FREM1: variants seen among roughly 807,000 people sequenced by gnomAD.
FREM1 encodes the protein FRAS1-related extracellular matrix protein 1.
A neutral mutation model predicts 210.1 loss-of-function variants in FREM1; 220 were observed. That is an observed-to-expected ratio of 1.05 (90% CI 0.94 to 1.17). The LOEUF is 1.17. Ranked by LOEUF, FREM1 falls within the 50% of genes most tolerant of loss-of-function variation. The pLI, the probability that FREM1 is intolerant of heterozygous loss-of-function variation, is 0.00. For synonymous variants in FREM1, 1,189 were observed against 980.2 expected (o/e 1.21, Z -3.98); for missense variants, 3,454 against 2,675.5 (o/e 1.29, Z -6.42).
At chr9:14,804,723 A>AT (rs1039287485) in intron 19 of FREM1, among the ~76,000 whole-genome samples, 42 of 152,174 alleles carry the variant, frequency 2.8e-4, no homozygotes, top group African/African-American at 9.6e-4. Flanking sequence ...TCATCTGTAG[A>AT]TTTTTTTTCT....
At position 14,788,909 on chromosome 9, in the gene FREM1, G is replaced by T. The variant is rs762295578; in HGVS notation, c.4177+10C>A. The T allele has an allele frequency of 1.1e-5, 17 of 1,606,006 alleles. No individual in the cohort carries two copies. Among genetic ancestry groups the T allele is most frequent in the African/African-American group, 2.7e-5 (2 of 74,790 alleles). On this transcript the variant is annotated intron_variant, in intron 23 of 36. Coordinates refer to ENST00000380880, the MANE Select transcript of FREM1 (RefSeq NM_001379081.2). ...TTGATCCCAGTAAACCTTGGTAGACGTGCTTTTACCTTTTTCCATGTCCTT... is the reference window on the plus strand; with the variant it reads ...TTGATCCCAGTAAACCTTGGTAGACTTGCTTTTACCTTTTTCCATGTCCTT...
chr9:14,830,999 C>G (rs531724087), intron 10 of FREM1, among the ~76,000 whole-genome samples: 9 of 152,320 alleles, frequency 5.9e-5, no homozygotes, highest in Admixed American at 3.9e-4. Flanking sequence ...CTACCGTACT[C>G]AAGTCACGGA....
chr9:14,748,263 A>G (rs1842801269), intron 31 of FREM1, 138 bp downstream of exon 31: 1 of 617,224 alleles, frequency 1.6e-6, no homozygotes, highest in Non-Finnish European at 2.9e-6. Context: ...GCACTGCATA[A>G]CTGTGCAAGG....
At position 14,869,126 on chromosome 9, in the gene FREM1, T is replaced by C. The variant is rs560738143; in HGVS notation, c.-149A>G. On this transcript the variant is annotated 5_prime_UTR_variant, in exon 2 of 37. Transcript: ENST00000380880. ...TGCCCCGAGATCTTAACATGCCCCT[T>C]TCATTTCAAAGTCAGACAAGGGGGC... is the stretch of plus-strand genomic sequence containing the variant. 1.4e-3 allele frequency: 777 copies of C among 561,648 alleles called. 4 individuals carry two copies. Among genetic ancestry groups the C allele is most frequent in the Admixed American group, 4.3e-3 (143 of 33,148 alleles). The allele number at this position is 561,648 out of a possible 1,614,324, so 34.8% of individuals were successfully genotyped here. A position where few individuals can be genotyped will look rare whatever the true frequency, so the allele number is the denominator to read the frequency against.
At chr9:14,783,030 C>G (rs552347769) in intron 24 of FREM1, among the ~76,000 whole-genome samples, 1 of 152,320 alleles carries the variant, frequency 6.6e-6, no homozygotes, top group African/African-American at 2.4e-5. Context: ...TAGTGAATGC[C>G]TAGCAACACT....
chr9:14,824,077 A>G lies in FREM1; in HGVS notation c.2117T>C (p.Ile706Thr), dbSNP rs1468282852. ...CGTAGGATTCTTAACTACTTTTGGT[A>G]TGCTGTCCACCATAAATAATTTCCC... ...DAGKLFMVDS[I>T]PKVVKNPTAL... The change falls in exon 12 of 37, where the codon ATA becomes ACA. Residue 706 changes from isoleucine to threonine, a missense_variant. Physicochemically the swap from Ile to Thr is moderately conservative, Grantham distance 89 (BLOSUM62 -1). Coordinates refer to ENST00000380880, the MANE Select transcript of FREM1 (RefSeq NM_001379081.2). 3.1e-6 allele frequency: 5 copies of G among 1,591,180 alleles called. No individual in the cohort carries two copies. The highest frequency in any genetic ancestry group is 4.3e-6 in the Non-Finnish European group (5 of 1,167,496).
At chr9:14,830,823 T>C (rs7868862) in intron 10 of FREM1, among the ~76,000 whole-genome samples, 32,917 of 152,152 alleles carry the variant, frequency 0.22, 3,774 homozygotes, top group African/African-American at 0.31. Flanking sequence ...CTTTGGTGCA[T>C]TGAGGTACAG....
chr9:14,838,489 G>GCA (rs4008011), intron 10 of FREM1, among the ~76,000 whole-genome samples: 80,123 of 150,018 alleles, frequency 0.53, 22,926 homozygotes, highest in South Asian at 0.69. Context: ...ATGCTTGCCA[G>GCA]CACACACACA....
At chr9:14,841,350 A>T in intron 10 of FREM1, 97 bp downstream of exon 10, 1 of 1,008,778 alleles carries the variant, frequency 9.9e-7, no homozygotes, top group Non-Finnish European at 1.4e-6. Flanking sequence ...CAAATTTTAA[A>T]CCTTGAAACC....
intron 25 of FREM1, 58 bp downstream of exon 25, chr9:14,775,731 A>ATG: frequency 9.2e-6 from 4 of 435,388 alleles, no homozygotes; most frequent in South Asian, 4.5e-5. Flanking sequence ...AAAAAAAAAA[A>ATG]TTCTCGATGT....
rs751024562 is a variant in FREM1 at position 14,759,793 on chromosome 9, G to A, written c.5313C>T (p.Asp1771=). The change falls in exon 28 of 37, where the codon GAC becomes GAT. Residue 1771 remains aspartate, a synonymous_variant. Transcript: ENST00000380880. Reference sequence around the variant, plus strand: ...TTACCTTTATACCCACAAAGGCCGAGTCCATGGAATATCCCCTTCTGATAA... The same window carrying A: ...TTACCTTTATACCCACAAAGGCCGAATCCATGGAATATCCCCTTCTGATAA... ...LEIIRRGYSM[D]SAFVGIKVNQ... The A allele has an allele frequency of 3.1e-6, 5 of 1,609,328 alleles. No homozygotes were observed. The highest frequency in any genetic ancestry group is 4.2e-6 in the Non-Finnish European group (5 of 1,177,394).
rs1164844456 is a variant in FREM1 at position 14,860,903 on chromosome 9, A to T, written c.330-1419T>A. 1.1e-4 allele frequency among the ~76,000 whole-genome samples: 10 copies of T among 91,950 alleles called. 2 individuals carry two copies. The highest frequency in any genetic ancestry group is 4.0e-4 in the African/African-American group (8 of 19,818). 60.3% of individuals were successfully genotyped at this position (91,950 alleles called of 152,430 possible). On this transcript the variant is annotated intron_variant, in intron 3 of 36. Coordinates refer to ENST00000380880, the MANE Select transcript of FREM1 (RefSeq NM_001379081.2). ...TATATACACATATATACATATATAC[A>T]CATATACACATATACACATATATAC...
chr9:14,834,336 T>C (rs1234684523), intron 10 of FREM1, among the ~76,000 whole-genome samples: 2 of 152,170 alleles, frequency 1.3e-5, no homozygotes, highest in Admixed American at 1.3e-4. Context: ...ATCTATATGG[T>C]CTTTTCTTAA....
chr9:14,884,988 G>C (rs1012191457), intron 1 of FREM1, among the ~76,000 whole-genome samples: 1 of 128,838 alleles, frequency 7.8e-6, no homozygotes, highest in Admixed American at 8.3e-5. Context: ...GCAGTGGTGC[G>C]ATCTCGGCTC....
At chr9:14,900,494 G>A (rs117248072) in intron 1 of FREM1, among the ~76,000 whole-genome samples, 134 of 152,270 alleles carry the variant, frequency 8.8e-4, no homozygotes, top group East Asian at 3.7e-3. Flanking sequence ...GGAACGCAGC[G>A]GTAGGACTAG....
At chr9:14,840,759 T>C (rs990974092) in intron 10 of FREM1, among the ~76,000 whole-genome samples, 5 of 152,186 alleles carry the variant, frequency 3.3e-5, no homozygotes, top group Admixed American at 3.3e-4. Context: ...AACCAGCCTC[T>C]CCTTTCAAGG....
At chr9:14,835,601 T>G (rs1456934908) in intron 10 of FREM1, among the ~76,000 whole-genome samples, 1 of 152,210 alleles carries the variant, frequency 6.6e-6, no homozygotes, top group Non-Finnish European at 1.5e-5. Context: ...GAGTTTATCT[T>G]GGGACCTCAA....
chr9:14,809,018 T>G (rs1182062836), intron 16 of FREM1, among the ~76,000 whole-genome samples: 1 of 152,216 alleles, frequency 6.6e-6, no homozygotes, highest in Admixed American at 6.5e-5. Flanking sequence ...CATCTTGAAT[T>G]GTAACTCCCA....
intron 1 of FREM1, among the ~76,000 whole-genome samples, chr9:14,870,291 C>A (rs1369516446): frequency 6.6e-6 from 1 of 152,162 alleles, no homozygotes; most frequent in Non-Finnish European, 1.5e-5. Context: ...ACTTTTGAGG[C>A]AGTGCCTGAC....
Sources: gnomAD v4.1 joint callset for allele counts (sites outside exome capture counted in the v4.1 genomes callset) on GRCh38, gnomAD v4.1.1 for gene constraint, MANE v1.5 for transcripts, NCBI Gene and HGNC (gene_info 2026-07-23, HGNC 2026-07-21) for gene names.